CCDC171: variants seen among roughly 807,000 people sequenced by gnomAD.
CCDC171 encodes coiled-coil domain-containing protein 171.
In CCDC171, 177 loss-of-function variants were observed where a neutral mutation model predicts 168.2. The ratio of observed to expected loss-of-function variants is 1.05; its 90% CI spans 0.93 to 1.19. The LOEUF (loss-of-function observed/expected upper bound fraction) is 1.19. Ranked by LOEUF, CCDC171 falls within the 50% of genes most tolerant of loss-of-function variation. CCDC171 has a pLI of 0.00. For synonymous variants in CCDC171, 687 were observed against 540.8 expected (o/e 1.27, Z -3.75); for missense variants, 1,991 against 1,539.0 (o/e 1.29, Z -4.91).
rs1279140015 is a variant in CCDC171 at position 15,744,332 on chromosome 9, TG to T, written c.2110del (p.Glu704AsnfsTer30). The T allele has an allele frequency of 6.2e-7, 1 of 1,613,224 alleles. No individual in the cohort carries two copies. The highest frequency in any genetic ancestry group is 1.3e-5 in the African/African-American group (1 of 74,912). ...AATTGAACCATATTGAGAAGTCACATGAACAGTTGGTTCTTGAAAATTCGCA... is the reference window on the plus strand; with the variant it reads ...AATTGAACCATATTGAGAAGTCACATAACAGTTGGTTCTTGAAAATTCGCA... Reference protein sequence around the residue: ...EKLNHIEKSHEQLVLENSHFK... With the variant: ...EKLNHIEKSHXQLVLENSHFK... On this transcript the variant is annotated frameshift_variant, in exon 17 of 26. Coordinates refer to ENST00000380701, the MANE Select transcript of CCDC171 (RefSeq NM_173550.4). LOFTEE classifies it high-confidence loss of function.
intron 8 of CCDC171, among the ~76,000 whole-genome samples, chr9:15,664,400 C>T (rs2133114412): frequency 1.3e-5 from 2 of 152,218 alleles, no homozygotes; most frequent in Middle Eastern, 6.8e-3. Context: ...AAACGCGTGA[C>T]ACCACGCCCA....
chr9:15,851,563 A>T (rs112394316), intron 23 of CCDC171, among the ~76,000 whole-genome samples: 1 of 151,374 alleles, frequency 6.6e-6, no homozygotes, highest in Non-Finnish European at 1.5e-5. Context: ...GCCGCTTTTT[A>T]TTTTTTTTGA....
the CCDC171 span, among the ~76,000 whole-genome samples, chr9:16,101,332 ATGTAT>A: frequency 6.6e-6 from 1 of 152,228 alleles, no homozygotes; most frequent in African/African-American, 2.4e-5. Flanking sequence ...AATAATTAAA[ATGTAT>A]TGTTTATCTG....
chr9:15,722,519 G>C (rs2053549678), intron 12 of CCDC171, among the ~76,000 whole-genome samples: 1 of 152,202 alleles, frequency 6.6e-6, no homozygotes, highest in African/African-American at 2.4e-5. Context: ...GAATTGAAGA[G>C]TTTGTCTAGT....
At chr9:15,625,044 A>C (rs1337007129) in intron 7 of CCDC171, among the ~76,000 whole-genome samples, 1 of 152,084 alleles carries the variant, frequency 6.6e-6, no homozygotes, top group Non-Finnish European at 1.5e-5. Context: ...TGTGGTTTTG[A>C]TTTGCATTTC....
intron 3 of CCDC171, among the ~76,000 whole-genome samples, chr9:15,982,850 T>A (rs1375279398): frequency 6.6e-6 from 1 of 152,204 alleles, no homozygotes; most frequent in Non-Finnish European, 1.5e-5. Flanking sequence ...TATGGGATTC[T>A]ACTTGTTCAG....
intron 6 of CCDC171, among the ~76,000 whole-genome samples, chr9:15,617,476 A>C (rs564533030): frequency 6.6e-6 from 1 of 150,640 alleles, no homozygotes; most frequent in East Asian, 2.0e-4. Flanking sequence ...TCCTGGGTTC[A>C]TGCCATTCTC....
At chr9:15,796,301 C>T (rs1052447875) in intron 21 of CCDC171, among the ~76,000 whole-genome samples, 3 of 150,418 alleles carry the variant, frequency 2.0e-5, no homozygotes, top group East Asian at 4.0e-4. Context: ...TCCAGGGGGA[C>T]AAAATGATGG....
At chr9:15,857,999 G>C (rs1468764012) in intron 23 of CCDC171, among the ~76,000 whole-genome samples, 1 of 151,636 alleles carries the variant, frequency 6.6e-6, no homozygotes, top group African/African-American at 2.4e-5. Flanking sequence ...ATGTATATAT[G>C]TATGCATATG....
chr9:15,739,015 T>A (rs558484506), intron 16 of CCDC171, among the ~76,000 whole-genome samples: 53 of 152,274 alleles, frequency 3.5e-4, no homozygotes, highest in African/African-American at 1.2e-3. Context: ...CTATAGTAAA[T>A]AATTCCTAAC....
chr9:15,903,789 G>A (rs1384258339), intron 24 of CCDC171, among the ~76,000 whole-genome samples: 1 of 152,186 alleles, frequency 6.6e-6, no homozygotes, highest in Non-Finnish European at 1.5e-5. Context: ...CAAAAGATTA[G>A]ACGAATGCTA....
At chr9:15,826,119 A>G (rs1176408910) in intron 21 of CCDC171, among the ~76,000 whole-genome samples, 1 of 151,768 alleles carries the variant, frequency 6.6e-6, no homozygotes, top group Admixed American at 6.6e-5. Context: ...AATGCTTTTT[A>G]TTGTAGTAAT....
intron 20 of CCDC171, among the ~76,000 whole-genome samples, 156 bp downstream of exon 20, chr9:15,779,306 A>G (rs920364258): frequency 2.6e-5 from 4 of 152,136 alleles, no homozygotes; most frequent in Admixed American, 2.6e-4. Flanking sequence ...TCCTGTCTAA[A>G]ATGCCTCTAA....
intron 24 of CCDC171, among the ~76,000 whole-genome samples, chr9:15,917,724 C>G (rs558244131): frequency 6.6e-6 from 1 of 151,618 alleles, no homozygotes; most frequent in Non-Finnish European, 1.5e-5. Context: ...AATGGGATAA[C>G]TTTTAAAATG....
At chr9:15,703,267 G>C (rs902631368) in intron 11 of CCDC171, among the ~76,000 whole-genome samples, 2 of 152,144 alleles carry the variant, frequency 1.3e-5, no homozygotes, top group African/African-American at 4.8e-5. Context: ...GATCTGCGCA[G>C]ACCATTACAA....
chr9:15,596,861 A>T (rs2042410026), intron 6 of CCDC171, among the ~76,000 whole-genome samples: 1 of 152,118 alleles, frequency 6.6e-6, no homozygotes, highest in African/African-American at 2.4e-5. Flanking sequence ...GGTTCTTCAC[A>T]TCCCTTGTAA....
chr9:16,041,875 G>A (rs1377960930), upstream of CCDC171, among the ~76,000 whole-genome samples: 1 of 152,134 alleles, frequency 6.6e-6, no homozygotes, highest in African/African-American at 2.4e-5. Flanking sequence ...ATTTGGCATT[G>A]GATTCAGATC....
chr9:15,827,624 T>G (rs1246014203), intron 21 of CCDC171, among the ~76,000 whole-genome samples: 1 of 152,222 alleles, frequency 6.6e-6, no homozygotes, highest in Non-Finnish European at 1.5e-5. Context: ...ATATCTTTCC[T>G]TATAATTATT....
At chr9:15,856,275 C>G (rs761825856) in intron 23 of CCDC171, among the ~76,000 whole-genome samples, 2 of 151,930 alleles carry the variant, frequency 1.3e-5, no homozygotes, top group African/African-American at 2.4e-5. Flanking sequence ...GGCAGACTTT[C>G]AGAACTTATC....
Sources: allele counts gnomAD v4.1 joint callset (sites outside exome capture counted in the v4.1 genomes callset), GRCh38; gene constraint gnomAD v4.1.1; transcripts MANE v1.5; gene names NCBI Gene and HGNC (gene_info 2026-07-23, HGNC 2026-07-21).